ENO1: variants seen among roughly 807,000 people sequenced by gnomAD.
The protein encoded by ENO1 is alpha-enolase.
Under a neutral mutation model 46.3 loss-of-function variants are expected in ENO1, and 33 were observed. That is an observed-to-expected ratio of 0.71 (90% CI 0.54 to 0.95). The LOEUF is 0.95. Among genes scored for constraint, ENO1 ranks in the 40% least tolerant of loss-of-function variants. ENO1 has a pLI of 0.00. For synonymous variants in ENO1, 220 were observed against 216.0 expected, an observed-to-expected ratio of 1.02 and a Z score of -0.16; for missense variants, 488 against 553.3, an observed-to-expected ratio of 0.88 and a Z score of 1.18.
chr1:8,875,579 T>A (rs1247125383), intron 1 of ENO1, among the ~76,000 whole-genome samples: 1 of 152,152 alleles, frequency 6.6e-6, no homozygotes, highest in East Asian at 1.9e-4. Flanking sequence ...AACAAAATAG[T>A]GAATGAAGTT....
intron 1 of ENO1, chr1:8,878,185 C>A (rs1344562602): frequency 5.8e-6 from 1 of 171,998 alleles, no homozygotes; most frequent in African/African-American, 2.4e-5. Context: ...GCCACCGCCG[C>A]TAAGTCTGCG....
chr1:8,865,977 C>A (rs550682128), intron 7 of ENO1: 1 of 354,292 alleles, frequency 2.8e-6, no homozygotes, highest in East Asian at 6.5e-5. Flanking sequence ...ACACTTGGCT[C>A]CCCAAACTAG....
chr1:8,864,819 A>T (rs1299311848), intron 8 of ENO1, among the ~76,000 whole-genome samples: 2 of 151,990 alleles, frequency 1.3e-5, no homozygotes, highest in African/African-American at 4.8e-5. Context: ...TTGCCCCACC[A>T]TTTGCTGTGT....
intron 3 of ENO1, chr1:8,871,120 A>G: frequency 8.5e-7 from 1 of 1,182,326 alleles, no homozygotes; most frequent in Non-Finnish European, 1.0e-6. Flanking sequence ...TCAAATGGTA[A>G]CATGTTCGTG....
intron 1 of ENO1, chr1:8,877,673 T>A (rs1038229364): frequency 6.6e-6 from 1 of 151,206 alleles, no homozygotes; most frequent in Non-Finnish European, 1.5e-5. Flanking sequence ...CTGGCCAACA[T>A]GGTGAAACAC....
At chr1:8,871,196 G>T in intron 3 of ENO1, 1 of 1,065,778 alleles carries the variant, frequency 9.4e-7, no homozygotes, top group Non-Finnish European at 1.1e-6. Context: ...TGCGACACCA[G>T]CCCAGTGTTT....
At chr1:8,872,188 G>A (rs886763988) in intron 2 of ENO1, among the ~76,000 whole-genome samples, 1 of 152,154 alleles carries the variant, frequency 6.6e-6, no homozygotes, top group African/African-American at 2.4e-5. Context: ...CTGCAAAGAT[G>A]ACTAATTCCT....
chr1:8,876,679 C>G (rs1642738889), intron 1 of ENO1, among the ~76,000 whole-genome samples: 2 of 151,408 alleles, frequency 1.3e-5, no homozygotes, highest in African/African-American at 4.9e-5. Context: ...GGGTGGATCA[C>G]GAGGTCAGGA....
At position 8,870,936 on chromosome 1, in the gene ENO1, G is replaced by C. The variant is rs546556538; in HGVS notation, c.182-426C>G. On this transcript the variant is annotated intron_variant, in intron 3 of 11. Transcript: ENST00000234590. ...AATGAGAGAGACTCAGAAGAGAACC[G>C]GTGATTAAGGACTGCGAGTGAGAGA... 1.5e-5 allele frequency: 19 copies of C among 1,253,094 alleles called. No individual in the cohort carries two copies. In the East Asian group the frequency reaches 5.3e-4, roughly 35 times the overall value. The allele number at this position is 1,253,094 out of a possible 1,614,324, so 77.6% of individuals were successfully genotyped here.
At chr1:8,863,756 A>G (rs1642452599) in intron 9 of ENO1, 135 bp downstream of exon 9, 1 of 1,073,392 alleles carries the variant, frequency 9.3e-7, no homozygotes, top group African/African-American at 1.6e-5. Flanking sequence ...CCTGAGTTCA[A>G]ACACAAAACC....
chr1:8,875,332 A>G (rs1322104825), intron 1 of ENO1, among the ~76,000 whole-genome samples: 1 of 151,990 alleles, frequency 6.6e-6, no homozygotes, highest in African/African-American at 2.4e-5. Context: ...AGAGAGAAAA[A>G]GCCCACAAAC....
At chr1:8,870,950 G>A (rs1569913642) in intron 3 of ENO1, 1 of 1,249,400 alleles carries the variant, frequency 8.0e-7, no homozygotes, top group Non-Finnish European at 1.0e-6. Flanking sequence ...ATTAAGGACT[G>A]CGAGTGAGAG....
chr1:8,866,657 C>A, intron 6 of ENO1, 156 bp from the exon 7 acceptor site: 1 of 715,086 alleles, frequency 1.4e-6, no homozygotes. Flanking sequence ...GTGAAATGCT[C>A]ACCAGGTCTC....
intron 1 of ENO1, chr1:8,875,708 G>A (rs546532558): frequency 2.0e-5 from 3 of 152,266 alleles, no homozygotes; most frequent in Non-Finnish European, 4.4e-5. Context: ...GCCACTTCCT[G>A]GGACTTTCCA....
rs1000533487 is a variant in ENO1, at chr1:8,861,566, T to G, written c.1236-137A>C. On this transcript the variant is annotated intron_variant, in intron 11 of 11. Coordinates refer to ENST00000234590, the MANE Select transcript of ENO1 (RefSeq NM_001428.5). ...GTTGAGAACACAGAACTCTCCAGTTTGTCCACCTTCTTTAAACCCTCTAAA... is the reference window on the plus strand; with the variant it reads ...GTTGAGAACACAGAACTCTCCAGTTGGTCCACCTTCTTTAAACCCTCTAAA... 8.8e-6 allele frequency: 7 copies of G among 796,132 alleles called. No homozygotes were observed. In the African/African-American group the frequency reaches 1.0e-4, roughly 12 times the overall value. 49.3% of individuals were successfully genotyped at this position (796,132 alleles called of 1,614,324 possible). A position where few individuals can be genotyped will look rare whatever the true frequency, so the allele number is the denominator to read the frequency against.
At chr1:8,864,667 T>C (rs28999090) in intron 8 of ENO1, among the ~76,000 whole-genome samples, 6,320 of 152,194 alleles carry the variant, frequency 0.042, 404 homozygotes, top group African/African-American at 0.14. Context: ...TGTTTGAGTT[T>C]AGTGCCACTG....
At chr1:8,875,346 T>C (rs965958003) in intron 1 of ENO1, among the ~76,000 whole-genome samples, 10 of 149,770 alleles carry the variant, frequency 6.7e-5, no homozygotes. Context: ...CACAAACGTG[T>C]GTGCCCAGGG....
At chr1:8,864,562 T>A (rs1406811814) in intron 8 of ENO1, among the ~76,000 whole-genome samples, 1 of 152,146 alleles carries the variant, frequency 6.6e-6, no homozygotes, top group Non-Finnish European at 1.5e-5. Flanking sequence ...TTTCAGCCTC[T>A]CCAAGTGCTA....
chr1:8,867,521 C>T (rs542418399), intron 5 of ENO1, among the ~76,000 whole-genome samples: 1 of 152,080 alleles, frequency 6.6e-6, no homozygotes, highest in African/African-American at 2.4e-5. Context: ...AGGCTATTGT[C>T]ACCTGGTTTT....
Sources: gnomAD v4.1 joint callset for allele counts (sites outside exome capture counted in the v4.1 genomes callset) on GRCh38, gnomAD v4.1.1 for gene constraint, MANE v1.5 for transcripts, NCBI Gene and HGNC (gene_info 2026-07-23, HGNC 2026-07-21) for gene names.